The following EHMT1 variants were observed in gnomAD, a reference collection of about 807,000 sequenced individuals.
EHMT1 encodes euchromatic histone lysine methyltransferase 1, also known as histone-lysine N-methyltransferase EHMT1.
EHMT1 carries 15 observed loss-of-function variants against 147.2 expected under a neutral mutation model. The observed-to-expected ratio is 0.10, with a 90% CI of 0.07 to 0.16. The LOEUF (loss-of-function observed/expected upper bound fraction) is 0.16, where lower values mean the gene tolerates loss of function less well. Ranked by LOEUF, EHMT1 falls within the 10% of genes least tolerant of loss-of-function variation. The pLI, the probability that EHMT1 is intolerant of heterozygous loss-of-function variation, is 1.00. For synonymous variants in EHMT1, 795 were observed against 709.6 expected (o/e 1.12, Z -1.91); for missense variants, 1,587 against 1,772.4 (o/e 0.90, Z 1.88).
chr9:137,690,263 G>T (rs926810823), intron 1 of EHMT1, among the ~76,000 whole-genome samples: 4 of 152,154 alleles, frequency 2.6e-5, no homozygotes, highest in Non-Finnish European at 5.9e-5. Context: ...TTACTCTTGT[G>T]TATTTGCTTT....
intron 1 of EHMT1, among the ~76,000 whole-genome samples, chr9:137,635,983 A>G (rs1844041580): frequency 6.6e-6 from 1 of 150,826 alleles, no homozygotes; most frequent in South Asian, 2.1e-4. Context: ...GTGCAGTGGT[A>G]CGATCTCGGT....
intron 1 of EHMT1, among the ~76,000 whole-genome samples, chr9:137,619,289 G>T (rs1842801417): frequency 6.8e-6 from 1 of 147,484 alleles, no homozygotes; most frequent in Admixed American, 6.7e-5. Flanking sequence ...CCGGGCGGCG[G>T]CTGGGGGAGC....
intron 24 of EHMT1, chr9:137,817,846 C>G (rs757603553): frequency 7.9e-6 from 5 of 631,718 alleles, no homozygotes; most frequent in Non-Finnish European, 1.4e-5. Flanking sequence ...GGTACCAGAC[C>G]GCAGACGCAG....
rs797045553 is a variant in EHMT1, at chr9:137,776,837, A to G, written c.2011A>G (p.Thr671Ala). 6.2e-7 allele frequency: 1 copy of G among 1,613,718 alleles called. No individual in the cohort carries two copies. Among genetic ancestry groups the G allele is most frequent in the Non-Finnish European group, 8.5e-7 (1 of 1,179,948 alleles). ...CCTGGAGGGCAGGGCCGACACCACA[A>G]CGGGCAGGTACCTGGCACAGGCTCT... ...SALEGRADTT[T>A]GSAAGPPLSE... is the part of the protein sequence containing the mutation. The change falls in exon 12 of 27, where the codon ACG (threonine) becomes GCG (alanine). Residue 671 changes from threonine to alanine, a missense_variant. This residue lies in a region of EHMT1 where 77 missense variants were observed against 79.3 expected (regional missense o/e 0.97). Transcript: ENST00000460843. The surrounding 1 kb of genome is among the most constrained non-coding windows in gnomAD (Gnocchi z 4.4).
chr9:137,670,540 C>G (rs1024848450), intron 1 of EHMT1, among the ~76,000 whole-genome samples: 1 of 152,154 alleles, frequency 6.6e-6, no homozygotes, highest in Non-Finnish European at 1.5e-5. Context: ...TCCCATCTGC[C>G]TCCCTCCTCT....
At position 137,787,992 on chromosome 9, in the gene EHMT1, T is replaced by G. The variant is rs1952130597; in HGVS notation, c.2383-2856T>G. The stretch of plus-strand genomic sequence containing the variant: ...CAGCCCCCCAGGAACTGAGGTGCCC[T>G]GCAGTAAGTGGAGAGGCCAGGCCCT... On this transcript the variant is annotated intron_variant, in intron 15 of 26. Coordinates refer to ENST00000460843, the MANE Select transcript of EHMT1 (RefSeq NM_024757.5). The surrounding 1 kb of genome is among the most constrained non-coding windows in gnomAD (Gnocchi z 4.2). 14 of 1,464,330 alleles carry G rather than the reference T, an allele frequency of 9.6e-6. No individual in the cohort carries two copies. In the East Asian group the frequency reaches 3.2e-4, roughly 33 times the overall value. 90.7% of individuals were successfully genotyped at this position (1,464,330 alleles called of 1,614,324 possible). A position where few individuals can be genotyped will look rare whatever the true frequency, so the allele number is the denominator to read the frequency against.
At chr9:137,733,944 A>G (rs918242944) in intron 4 of EHMT1, among the ~76,000 whole-genome samples, 1 of 152,230 alleles carries the variant, frequency 6.6e-6, no homozygotes, top group African/African-American at 2.4e-5. Context: ...ACAGCCTACA[A>G]CTATAAAAAA....
At chr9:137,655,390 A>G (rs1938333912) in intron 1 of EHMT1, among the ~76,000 whole-genome samples, 1 of 152,158 alleles carries the variant, frequency 6.6e-6, no homozygotes, top group South Asian at 2.1e-4. Context: ...CTTACTGCCC[A>G]GCAGACCAGA....
chr9:137,715,391 A>G (rs1314372269), intron 2 of EHMT1, among the ~76,000 whole-genome samples: 5 of 152,242 alleles, frequency 3.3e-5, no homozygotes, highest in Non-Finnish European at 5.9e-5. Context: ...GGCCTCGTTC[A>G]TGTGCTCAGG....
At chr9:137,756,226 G>A (rs1005824550) in intron 8 of EHMT1, among the ~76,000 whole-genome samples, 1 of 152,168 alleles carries the variant, frequency 6.6e-6, no homozygotes, top group Non-Finnish European at 1.5e-5. Flanking sequence ...GAGCTGTGGC[G>A]CAGGCCCCTT....
At chr9:137,625,877 C>T (rs551342572) in intron 1 of EHMT1, among the ~76,000 whole-genome samples, 31 of 149,654 alleles carry the variant, frequency 2.1e-4, no homozygotes, top group Non-Finnish European at 2.7e-4. Flanking sequence ...TTTTTTGAGA[C>T]GAAGTTTTGC....
chr9:137,703,735 C>G (rs1358610720), intron 1 of EHMT1, among the ~76,000 whole-genome samples: 1 of 152,132 alleles, frequency 6.6e-6, no homozygotes, highest in African/African-American at 2.4e-5. Context: ...GGAAGTTCAT[C>G]TTCCTTTCTT....
chr9:137,740,016 C>G (rs945099976), intron 4 of EHMT1, among the ~76,000 whole-genome samples: 1 of 152,138 alleles, frequency 6.6e-6, no homozygotes, highest in Non-Finnish European at 1.5e-5. Context: ...GTGGTGGTGA[C>G]CACGCAGACT....
intron 10 of EHMT1, among the ~76,000 whole-genome samples, chr9:137,771,692 G>C (rs4454362): frequency 0.3 from 42,950 of 141,094 alleles, 6,569 homozygotes; most frequent in Admixed American, 0.42. Context: ...GACCGGGGTG[G>C]CGGGGCGTTT....
intron 4 of EHMT1, among the ~76,000 whole-genome samples, chr9:137,738,338 A>G (rs573077334): frequency 4.6e-5 from 7 of 152,350 alleles, no homozygotes; most frequent in African/African-American, 1.4e-4. Context: ...AGGTAAATGC[A>G]AATCAAAACC....
At chr9:137,642,086 C>T (rs1335807765) in intron 1 of EHMT1, among the ~76,000 whole-genome samples, 1 of 152,022 alleles carries the variant, frequency 6.6e-6, no homozygotes, top group African/African-American at 2.4e-5. Context: ...GTGATCCACC[C>T]GCCTCGGCCT....
intron 1 of EHMT1, among the ~76,000 whole-genome samples, chr9:137,677,289 T>C (rs1042119440): frequency 2.0e-5 from 3 of 151,964 alleles, no homozygotes; most frequent in Non-Finnish European, 4.4e-5. Context: ...TGTGGCACCA[T>C]GTCTGGCTAA....
intron 1 of EHMT1, chr9:137,651,115 G>A (rs1038794059): frequency 1.3e-5 from 2 of 152,032 alleles, no homozygotes; most frequent in African/African-American, 4.8e-5. Flanking sequence ...GGAAAAACTG[G>A]AACCCTCCCA....
intron 2 of EHMT1, chr9:137,715,679 T>C (rs2135469047): frequency 1.0e-6 from 1 of 985,448 alleles, no homozygotes; most frequent in Middle Eastern, 5.2e-4. Context: ...TCTCCTTGAC[T>C]GCCCTGGATA....
Sources: gnomAD v4.1 joint callset for allele counts (sites outside exome capture counted in the v4.1 genomes callset) on GRCh38, gnomAD v4.1.1 for gene constraint, gnomAD v4.1.1 regional missense constraint, Gnocchi (gnomAD v3.1) non-coding constraint, MANE v1.5 for transcripts, NCBI Gene and HGNC (gene_info 2026-07-23, HGNC 2026-07-21) for gene names.